CDH18: variants seen among roughly 807,000 people sequenced by gnomAD.
CDH18 encodes the protein cadherin 18, also known as cadherin-18.
In CDH18, 31 loss-of-function variants were observed where a neutral mutation model predicts 67.9. The observed-to-expected ratio is 0.46, with a 90% CI of 0.34 to 0.62. CDH18 has a LOEUF of 0.62. Among genes scored for constraint, CDH18 ranks in the 20% least tolerant of loss-of-function variants. The pLI is 0.01. For synonymous variants in CDH18, 362 were observed against 347.2 expected (o/e 1.04, Z -0.48); for missense variants, 890 against 975.5 (o/e 0.91, Z 1.17).
chr5:19,713,619 A>AG (rs1764987091), intron 5 of CDH18, among the ~76,000 whole-genome samples: 1 of 152,080 alleles, frequency 6.6e-6, no homozygotes, highest in Non-Finnish European at 1.5e-5. Flanking sequence ...ACGGAGTAGG[A>AG]GAGTTATCTG....
At chr5:19,866,801 T>C (rs936716056) in intron 2 of CDH18, among the ~76,000 whole-genome samples, 1 of 152,018 alleles carries the variant, frequency 6.6e-6, no homozygotes, top group African/African-American at 2.4e-5. Context: ...ATTAAAAAAA[T>C]GCACTCTTGG....
intron 2 of CDH18, among the ~76,000 whole-genome samples, chr5:19,909,391 C>G (rs1429122776): frequency 1.4e-5 from 2 of 147,964 alleles, no homozygotes; most frequent in Non-Finnish European, 3.0e-5. Context: ...CCTCTGCCTC[C>G]CGGGTTCAAG....
chr5:19,495,757 AAAG>A (rs1742223111), intron 11 of CDH18, among the ~76,000 whole-genome samples: 1 of 151,684 alleles, frequency 6.6e-6, no homozygotes, highest in South Asian at 2.1e-4. Flanking sequence ...GAAAGAAAGA[AAAG>A]AATATCTCCA....
chr5:20,081,227 T>C (rs1217011430), intron 2 of CDH18, among the ~76,000 whole-genome samples: 1 of 152,140 alleles, frequency 6.6e-6, no homozygotes, highest in Non-Finnish European at 1.5e-5. Flanking sequence ...AAACATTTAA[T>C]ACCCTTAAAG....
At chr5:20,524,339 T>C (rs1369691695) in intron 1 of CDH18, among the ~76,000 whole-genome samples, 1 of 152,206 alleles carries the variant, frequency 6.6e-6, no homozygotes, top group Admixed American at 6.5e-5. Flanking sequence ...CTACTAAATA[T>C]ACTAATTAAT....
At chr5:20,170,828 C>CT (rs931034081) in intron 2 of CDH18, among the ~76,000 whole-genome samples, 9 of 151,046 alleles carry the variant, frequency 6.0e-5, no homozygotes, top group South Asian at 2.1e-4. Context: ...ACCCAAAAGT[C>CT]TTTTTTTTTC....
intron 1 of CDH18, among the ~76,000 whole-genome samples, chr5:20,546,750 GACAC>G (rs4002054): frequency 0.012 from 1,844 of 151,064 alleles, 29 homozygotes; most frequent in African/African-American, 0.043. Flanking sequence ...TACATACATA[GACAC>G]ACACACACAC....
chr5:19,944,707 A>G (rs1306908335), intron 2 of CDH18, among the ~76,000 whole-genome samples: 2 of 152,178 alleles, frequency 1.3e-5, no homozygotes, highest in Non-Finnish European at 2.9e-5. Flanking sequence ...TTTCTTCAAT[A>G]TGTATTACAC....
Position 19,865,491 on chromosome 5 carries a change from G to A in CDH18, c.-256-26249C>T, listed in dbSNP as rs181267761. ...ATTTCAGTATTTTACTCTTCTAGCT[G>A]TGACAGGTGGGGGCGGTGGAGGAGT... On this transcript the variant is annotated intron_variant, in intron 2 of 12. Transcript: ENST00000382275. 8.8e-4 allele frequency among the ~76,000 whole-genome samples: 134 copies of A among 152,240 alleles called. 2 individuals carry two copies. Among genetic ancestry groups the A allele is most frequent in the South Asian group, 7.3e-3 (35 of 4,818 alleles).
intron 1 of CDH18, among the ~76,000 whole-genome samples, chr5:20,492,066 T>A (rs568228170): frequency 6.6e-6 from 1 of 152,218 alleles, no homozygotes; most frequent in African/African-American, 2.4e-5. Flanking sequence ...CTAGAAAAAT[T>A]CAGTAGGTTT....
intron 11 of CDH18, 57 bp from the exon 12 acceptor site, chr5:19,483,609 A>T (rs1739870866): frequency 6.6e-7 from 1 of 1,513,832 alleles, no homozygotes; most frequent in Non-Finnish European, 8.9e-7. Flanking sequence ...TTCAAGATTC[A>T]CATTTCCTTT....
intron 2 of CDH18, among the ~76,000 whole-genome samples, chr5:20,117,154 C>T (rs1262226297): frequency 2.6e-5 from 4 of 152,062 alleles, no homozygotes; most frequent in South Asian, 4.2e-4. Context: ...AATTTATATT[C>T]GTAAAGTTTA....
Position 20,483,429 on chromosome 5 carries a change from C to A in CDH18, c.-580+92033G>T, listed in dbSNP as rs143961741. On this transcript the variant is annotated intron_variant, in intron 1 of 14. Transcript: ENST00000507958. ...AATAGAGAAAATAATCCTAAAATTTCTATGAAACTACCAAAGACTCAGAAT... is the reference window on the plus strand; with the variant it reads ...AATAGAGAAAATAATCCTAAAATTTATATGAAACTACCAAAGACTCAGAAT... 1.9e-4 allele frequency among the ~76,000 whole-genome samples: 29 copies of A among 151,966 alleles called. No homozygotes were observed. In the East Asian group the frequency reaches 5.0e-3, roughly 26 times the overall value.
rs190922471 is a variant in CDH18 at position 20,428,753 on chromosome 5, A to G, written c.-580+146709T>C. 3.0e-3 allele frequency among the ~76,000 whole-genome samples: 460 copies of G among 152,302 alleles called. 5 individuals are homozygous for G. Among genetic ancestry groups the G allele is most frequent in the Non-Finnish European group, 2.3e-3 (157 of 68,012 alleles). ...CAATGTGTTTTACAATAAGACGTAT[A>G]TAAGCAAAATGGACCACAAATAATC... is the stretch of plus-strand genomic sequence containing the variant. On this transcript the variant is annotated intron_variant, in intron 1 of 14. Transcript: ENST00000507958.
chr5:20,522,705 T>C (rs2126526476), intron 1 of CDH18, among the ~76,000 whole-genome samples: 1 of 152,292 alleles, frequency 6.6e-6, no homozygotes, highest in Admixed American at 6.5e-5. Flanking sequence ...AATAAATTAA[T>C]GTTAAAAAAT....
At chr5:19,610,363 C>A (rs965540054) in intron 6 of CDH18, among the ~76,000 whole-genome samples, 2 of 151,064 alleles carry the variant, frequency 1.3e-5, no homozygotes, top group African/African-American at 2.4e-5. Context: ...GAACAAATAT[C>A]TCTTTATTAT....
At chr5:19,843,094 G>A (rs1561422596) in intron 2 of CDH18, among the ~76,000 whole-genome samples, 1 of 152,172 alleles carries the variant, frequency 6.6e-6, no homozygotes, top group Non-Finnish European at 1.5e-5. Context: ...GCCAGCTTGA[G>A]AAATTTGCAT....
chr5:20,397,589 TTCATGTCAATGA>T (rs1745392689), intron 1 of CDH18, among the ~76,000 whole-genome samples: 2 of 152,200 alleles, frequency 1.3e-5, no homozygotes, highest in South Asian at 4.1e-4. Flanking sequence ...CAGTAGTCTC[TTCATGTCAATGA>T]TCATGTACTT....
chr5:19,592,733 C>T (rs1339942811), intron 6 of CDH18, among the ~76,000 whole-genome samples: 5 of 152,208 alleles, frequency 3.3e-5, no homozygotes, highest in Middle Eastern at 6.8e-3. Flanking sequence ...CACAGCCTTG[C>T]TATTCATAGA....
Sources: allele counts gnomAD v4.1 joint callset (sites outside exome capture counted in the v4.1 genomes callset), GRCh38; gene constraint gnomAD v4.1.1; transcripts MANE v1.5; gene names NCBI Gene and HGNC (gene_info 2026-07-23, HGNC 2026-07-21).